The following CDK14 variants were observed in gnomAD, a reference collection of about 807,000 sequenced individuals.
The protein encoded by CDK14 is cyclin dependent kinase 14.
CDK14 carries 34 observed loss-of-function variants against 60.7 expected under a neutral mutation model. The observed-to-expected ratio is 0.56, with a 90% CI of 0.43 to 0.75. The LOEUF (loss-of-function observed/expected upper bound fraction) is 0.75. CDK14 is among the 30% of genes least tolerant of loss of function. The probability of loss-of-function intolerance (pLI) is 0.00; values close to 1 mark genes in which losing one functional copy is unlikely to be tolerated. For synonymous variants in CDK14, 197 were observed against 203.7 expected (o/e 0.97, Z 0.28); for missense variants, 482 against 564.1 (o/e 0.85, Z 1.47).
In CDK14 at chr7:90,910,851, G is replaced by A. The variant is rs570323968; in HGVS notation, c.703-6750G>A. On this transcript the variant is annotated intron_variant, in intron 7 of 14. Coordinates refer to ENST00000380050, the MANE Select transcript of CDK14 (RefSeq NM_001287135.2). ...TGCATAGGTAAAGGCATGTCATGGG[G>A]GTTGGTTGTACCGATTATTTCATCA... Among the ~76,000 whole-genome samples, 10 of 152,142 alleles carry A rather than the reference G, an allele frequency of 6.6e-5. No individual in the cohort carries two copies. The South Asian group carries it at 2.1e-3, about 32-fold the overall frequency.
intron 5 of CDK14, among the ~76,000 whole-genome samples, chr7:90,804,950 G>C (rs1330883015): frequency 2.0e-5 from 3 of 151,980 alleles, no homozygotes; most frequent in African/African-American, 7.2e-5. Flanking sequence ...TATCTTGTTT[G>C]ATTTTCACCA....
intron 4 of CDK14, among the ~76,000 whole-genome samples, chr7:90,768,713 TTC>T (rs1562760509): frequency 1.3e-5 from 2 of 152,236 alleles, no homozygotes; most frequent in African/African-American, 4.8e-5. Flanking sequence ...AGCAATTGTG[TTC>T]TCTCACTTAG....
At chr7:90,891,929 T>C (rs971962620) in intron 6 of CDK14, among the ~76,000 whole-genome samples, 2 of 152,244 alleles carry the variant, frequency 1.3e-5, no homozygotes, top group African/African-American at 2.4e-5. Flanking sequence ...ACTTTCTATC[T>C]CATGAATAGG....
At chr7:90,914,560 T>C (rs1266987810) in intron 7 of CDK14, among the ~76,000 whole-genome samples, 1 of 152,188 alleles carries the variant, frequency 6.6e-6, no homozygotes, top group African/African-American at 2.4e-5. Context: ...TGGAGATTTG[T>C]TCTTACATTT....
chr7:90,726,187 G>A, intron 2 of CDK14: 1 of 273,228 alleles, frequency 3.7e-6, no homozygotes, highest in Non-Finnish European at 5.6e-6. Context: ...CATCTGATTT[G>A]CCTATTTTTT....
intron 5 of CDK14, among the ~76,000 whole-genome samples, chr7:90,847,080 G>A (rs757985889): frequency 3.3e-5 from 5 of 152,146 alleles, no homozygotes; most frequent in South Asian, 2.1e-4. Context: ...AGGAGGGTTT[G>A]TAATTGTATA....
At chr7:90,760,513 A>G (rs1053658321) in intron 4 of CDK14, among the ~76,000 whole-genome samples, 1 of 152,118 alleles carries the variant, frequency 6.6e-6, no homozygotes, top group Admixed American at 6.5e-5. Context: ...CTACAAAGAG[A>G]CACTAGTCTG....
intron 3 of CDK14, among the ~76,000 whole-genome samples, chr7:90,743,442 C>G (rs930601355): frequency 1.3e-5 from 2 of 152,038 alleles, no homozygotes; most frequent in East Asian, 1.9e-4. Flanking sequence ...GTGACCTAAT[C>G]TATGATTTTT....
intron 9 of CDK14, among the ~76,000 whole-genome samples, chr7:90,972,305 CT>C (rs1794954925): frequency 6.6e-6 from 1 of 152,164 alleles, no homozygotes; most frequent in African/African-American, 2.4e-5. Flanking sequence ...AATTTGGTTC[CT>C]TCTGTAGTCA....
chr7:90,915,509 CA>C (rs1793053100), intron 7 of CDK14, among the ~76,000 whole-genome samples: 3 of 152,266 alleles, frequency 2.0e-5, no homozygotes, highest in South Asian at 4.2e-4. Flanking sequence ...CTGCACCCCC[CA>C]AAAAATAATG....
At chr7:90,693,036 A>G (rs1801587325) in intron 2 of CDK14, among the ~76,000 whole-genome samples, 1 of 152,196 alleles carries the variant, frequency 6.6e-6, no homozygotes, top group East Asian at 1.9e-4. Context: ...TGTGAAGCAC[A>G]TGAATGAAAG....
In CDK14 at chr7:90,722,364, C is replaced by T. The variant is rs111789164; in HGVS notation, c.124-4203C>T. Among the ~76,000 whole-genome samples, 19 of 152,130 alleles carry T rather than the reference C, an allele frequency of 1.2e-4. No individual in the cohort carries two copies. In the East Asian group the frequency reaches 3.5e-3, roughly 28 times the overall value. On this transcript the variant is annotated intron_variant, in intron 2 of 14. Transcript: ENST00000380050. Reference sequence around the variant, plus strand: ...GACTACAGGTGTGCACCACCACACCCGCCTAATTTTTATATTTGTTTTGTA... The same window carrying T: ...GACTACAGGTGTGCACCACCACACCTGCCTAATTTTTATATTTGTTTTGTA...
At chr7:90,896,070 C>T (rs1792327874) in intron 6 of CDK14, among the ~76,000 whole-genome samples, 1 of 151,430 alleles carries the variant, frequency 6.6e-6, no homozygotes, top group African/African-American at 2.4e-5. Context: ...CCTTCTCTCT[C>T]TTTTTTTTCT....
At chr7:90,901,662 C>A (rs1305131511) in intron 7 of CDK14, among the ~76,000 whole-genome samples, 3 of 128,904 alleles carry the variant, frequency 2.3e-5, no homozygotes, top group African/African-American at 8.4e-5. Flanking sequence ...AGTCACCTGG[C>A]AAGCTTTATA....
intron 6 of CDK14, among the ~76,000 whole-genome samples, chr7:90,882,475 A>G (rs1791794092): frequency 6.6e-6 from 1 of 152,202 alleles, no homozygotes; most frequent in Admixed American, 6.5e-5. Context: ...GAGGAGACTT[A>G]CACTTCCACA....
intron 14 of CDK14, among the ~76,000 whole-genome samples, chr7:91,145,565 A>G (rs767470503): frequency 4.6e-5 from 7 of 152,214 alleles, no homozygotes; most frequent in Non-Finnish European, 8.8e-5. Context: ...CAACAATGAT[A>G]GCTAATGCAA....
chr7:90,830,278 C>G (rs1789872958), intron 5 of CDK14, among the ~76,000 whole-genome samples: 1 of 152,200 alleles, frequency 6.6e-6, no homozygotes, highest in Non-Finnish European at 1.5e-5. Context: ...TTCTGCACAC[C>G]CACAAGCCCA....
intron 3 of CDK14, among the ~76,000 whole-genome samples, chr7:90,727,197 T>A (rs1357696800): frequency 6.6e-6 from 1 of 152,148 alleles, no homozygotes; most frequent in African/African-American, 2.4e-5. Flanking sequence ...GCAGAATAAA[T>A]ATCAAAATTT....
intron 5 of CDK14, among the ~76,000 whole-genome samples, chr7:90,848,172 G>A (rs774533608): frequency 6.4e-4 from 98 of 152,036 alleles, no homozygotes; most frequent in Non-Finnish European, 1.0e-3. Flanking sequence ...CATGATCTTG[G>A]CTCACTGCAA....
Sources: gnomAD v4.1 joint callset for allele counts (sites outside exome capture counted in the v4.1 genomes callset) on GRCh38, gnomAD v4.1.1 for gene constraint, MANE v1.5 for transcripts, NCBI Gene and HGNC (gene_info 2026-07-23, HGNC 2026-07-21) for gene names.